Variants in MIER2 observed in about 807,000 individuals in gnomAD.
MIER2 encodes the protein mesoderm induction early response protein 2.
In MIER2, 30 loss-of-function variants were observed where a neutral mutation model predicts 67.6. That is an observed-to-expected ratio of 0.44 (90% CI 0.33 to 0.60). MIER2 has a LOEUF of 0.60. Ranked by LOEUF, MIER2 falls within the 20% of genes least tolerant of loss-of-function variation. The probability of loss-of-function intolerance (pLI) is 0.02; values close to 1 mark genes in which losing one functional copy is unlikely to be tolerated. For missense variants in MIER2, 702 were observed against 745.1 expected (o/e 0.94, Z 0.67); for synonymous variants, 372 against 312.6 (o/e 1.19, Z -2.00).
rs959396706 is a variant in MIER2 at position 327,985 on chromosome 19, T to C, written c.248A>G (p.Asn83Ser). 3.7e-6 allele frequency: 6 copies of C among 1,612,930 alleles called. No homozygotes were observed. Among genetic ancestry groups the C allele is most frequent in the Non-Finnish European group, 5.1e-6 (6 of 1,179,526 alleles). Reference protein sequence around the residue: ...ELEKDFISQSNDMPFDELLAL... With the variant: ...ELEKDFISQSSDMPFDELLAL... ...AAGCAGCTCATCAAAGGGCATGTCGTTGCTCTGAGTTGGGGAAGGGAACAA... is the reference window on the plus strand; with the variant it reads ...AAGCAGCTCATCAAAGGGCATGTCGCTGCTCTGAGTTGGGGAAGGGAACAA... Residue 83 changes from asparagine to serine, a missense_variant, in exon 4 of 14, where the codon AAC (asparagine) becomes AGC (serine). By Grantham distance (46) the Asn-to-Ser change is conservative. Transcript: ENST00000264819.
intron 7 of MIER2, among the ~76,000 whole-genome samples, chr19:324,624 T>C (rs1382834750): frequency 6.7e-6 from 1 of 149,846 alleles, no homozygotes; most frequent in African/African-American, 2.5e-5. Context: ...CGCAGACGAC[T>C]CGAATGACAC....
In MIER2 at chr19:307,148, G is replaced by A. The variant is rs1169463866; in HGVS notation, c.1587C>T (p.Ala529=). 1.3e-6 allele frequency: 2 copies of A among 1,587,722 alleles called. No individual in the cohort carries two copies. The highest frequency in any genetic ancestry group is 1.1e-5 in the South Asian group (1 of 87,102). The change falls in exon 13 of 14, where the codon GCC becomes GCT. Residue 529 remains alanine (A), a synonymous_variant. Coordinates refer to ENST00000264819, the MANE Select transcript of MIER2 (RefSeq NM_017550.3). ...PFLAAHPTCP[A]PGLHSEPLSH... ...ACAGGGGCTCCGAGTGTAGCCCGGGGGCCGGGCACGTGGGGTGGGCGGCCA... is the reference window on the plus strand; with the variant it reads ...ACAGGGGCTCCGAGTGTAGCCCGGGAGCCGGGCACGTGGGGTGGGCGGCCA...
chr19:327,803 G>A, intron 4 of MIER2, 61 bp downstream of exon 4: 1 of 1,596,674 alleles, frequency 6.3e-7, no homozygotes, highest in Admixed American at 1.8e-5. Flanking sequence ...TCTGCAGAGA[G>A]GCAGCGCCAG....
intron 3 of MIER2, among the ~76,000 whole-genome samples, chr19:328,546 G>C (rs1208929314): frequency 1.3e-5 from 2 of 151,996 alleles, no homozygotes; most frequent in African/African-American, 4.8e-5. Flanking sequence ...CCAGGAGTTC[G>C]AGACCAGCCT....
At chr19:307,560 G>A (rs780578144) in intron 12 of MIER2, 24 bp from the exon 13 acceptor site, 3 of 1,487,742 alleles carry the variant, frequency 2.0e-6, no homozygotes, top group African/African-American at 2.8e-5. Context: ...CGCAACAGAG[G>A]GTGGGGCCTG....
At chr19:329,061 C>T (rs977296563) in intron 3 of MIER2, among the ~76,000 whole-genome samples, 1 of 152,196 alleles carries the variant, frequency 6.6e-6, no homozygotes, top group Non-Finnish European at 1.5e-5. Context: ...GTCCTGTCTG[C>T]TCAGACTCCA....
In MIER2 at chr19:308,583, G is replaced by A. The variant is rs771793394; in HGVS notation, c.1192C>T (p.Arg398Cys). The A allele has an allele frequency of 2.3e-4, 366 of 1,601,308 alleles. No homozygotes were observed. The highest frequency in any genetic ancestry group is 4.6e-4 in the Admixed American group (27 of 58,260). ...GATACTCCCCAAGCCTCACCTGTGCGCATCCCAGTCAGGGTGTCTTGCTCC... is the reference window on the plus strand; with the variant it reads ...GATACTCCCCAAGCCTCACCTGTGCACATCCCAGTCAGGGTGTCTTGCTCC... ...RPEQDTLTGM[R>C]TDPLSVDGTA... Residue 398 changes from arginine to cysteine, a missense_variant, in exon 12 of 14, where the codon CGC becomes TGC. Arg to Cys is a radical substitution (Grantham distance 180). Coordinates refer to ENST00000264819, the MANE Select transcript of MIER2 (RefSeq NM_017550.3). This position sits in a 1 kb window ranked among gnomAD's most constrained non-coding sequence, Gnocchi z 9.1.
At chr19:323,732 C>T (rs999079133) in intron 7 of MIER2, among the ~76,000 whole-genome samples, 19 of 147,626 alleles carry the variant, frequency 1.3e-4, no homozygotes, top group African/African-American at 4.0e-4. Context: ...ACAACTCAAA[C>T]GACACAGACG....
In MIER2 at chr19:307,228, C is replaced by T; in HGVS notation, c.1507G>A (p.Ala503Thr). 6.3e-7 allele frequency: 1 copy of T among 1,592,346 alleles called. No homozygotes were observed. The change falls in exon 13 of 14, where the codon GCT becomes ACT. Residue 503 changes from alanine (A) to threonine (T), a missense_variant. Ala to Thr is a moderately conservative substitution (Grantham distance 58). Around this residue, in one of 3 missense-constraint regions of MIER2, gnomAD observed 254 missense variants for 262.8 expected, o/e 0.97. Transcript: ENST00000264819. Reference sequence around the variant, plus strand: ...AGTCCAAACTCGGTGACCGACAAAGCCACCTGTGCTGGGGCCACAGTCTCC... The same window carrying T: ...AGTCCAAACTCGGTGACCGACAAAGTCACCTGTGCTGGGGCCACAGTCTCC... The part of the protein sequence containing the change: ...PEETVAPAQV[A>T]LSVTEFGLIG...
chr19:318,238 T>C (rs57815234), intron 7 of MIER2, among the ~76,000 whole-genome samples: 18,877 of 151,878 alleles, frequency 0.12, 1,617 homozygotes, highest in African/African-American at 0.23. Flanking sequence ...ACTTCAAATA[T>C]AGGAATCTAG....
intron 7 of MIER2, 92 bp downstream of exon 7, chr19:325,543 G>A (rs989470550): frequency 6.9e-7 from 1 of 1,442,010 alleles, no homozygotes; most frequent in African/African-American, 1.4e-5. Context: ...GCGGGGCGGG[G>A]ACCTGACCAG....
At chr19:313,365 G>A in intron 8 of MIER2, 127 bp downstream of exon 8, 2 of 1,431,126 alleles carry the variant, frequency 1.4e-6, no homozygotes, top group Non-Finnish European at 1.9e-6. Context: ...CCAGTGCCCT[G>A]GCCCCCACAC....
At chr19:329,012 C>T (rs1008886597) in intron 3 of MIER2, among the ~76,000 whole-genome samples, 2 of 152,222 alleles carry the variant, frequency 1.3e-5, no homozygotes, top group African/African-American at 4.8e-5. Context: ...TCAAATCCTT[C>T]TGTCCTCCCT....
At chr19:344,380 G>A (rs1264924770) in intron 1 of MIER2, 4 of 984,630 alleles carry the variant, frequency 4.1e-6, no homozygotes, top group Non-Finnish European at 4.8e-6. Context: ...GGCGCGGGAG[G>A]GGAGGCCTGC....
In MIER2 at chr19:336,122, T is replaced by C. The variant is rs1972245425; in HGVS notation, c.61A>G (p.Ser21Gly). 1 of 1,613,828 alleles carries C rather than the reference T, an allele frequency of 6.2e-7. No individual in the cohort carries two copies. Among genetic ancestry groups the C allele is most frequent in the Admixed American group, 1.7e-5 (1 of 60,002 alleles). ...AAGCCCGGCTCCCCTGGGCACAGGC[T>C]GTGCTCGAGGCAGGAGACCACGCGA... is the stretch of plus-strand genomic sequence containing the variant. Reference protein sequence around the residue: ...SPRVVSCLEHSLCPGEPGLQT... With the variant: ...SPRVVSCLEHGLCPGEPGLQT... The change falls in exon 2 of 14, where the codon AGC (serine) becomes GGC (glycine). Residue 21 changes from serine (S) to glycine (G), a missense_variant. Coordinates refer to ENST00000264819, the MANE Select transcript of MIER2 (RefSeq NM_017550.3).
chr19:308,853 A>G lies in MIER2; in HGVS notation c.1057T>C (p.Phe353Leu), dbSNP rs1194191872. ...CGGCCCAGCCGCGTCTGCTGGGCGA[A>G]GTAGTCGTAGCGCTCCGACTTCTTC... ...LWKKSERYDY[F>L]AQQTRLGRRK... is the part of the protein sequence containing the mutation. The change falls in exon 11 of 14, where the codon TTC (phenylalanine) becomes CTC (leucine). Residue 353 changes from phenylalanine to leucine, a missense_variant. Transcript: ENST00000264819. This position sits in a 1 kb window ranked among gnomAD's most constrained non-coding sequence, Gnocchi z 9.1. 8 of 1,610,944 alleles carry G rather than the reference A, an allele frequency of 5.0e-6. No homozygotes were observed. Among genetic ancestry groups the G allele is most frequent in the Admixed American group, 1.7e-5 (1 of 59,964 alleles).
intron 6 of MIER2, 81 bp from the exon 7 acceptor site, chr19:325,785 G>T: frequency 1.3e-6 from 2 of 1,494,554 alleles, no homozygotes; most frequent in Non-Finnish European, 1.9e-6. Flanking sequence ...TGCTGTGGCA[G>T]GCTTACGGGG....
In MIER2 at chr19:327,206, T is replaced by C. The variant is rs892214645; in HGVS notation, c.420A>G (p.Gln140=). 6.3e-7 allele frequency: 1 copy of C among 1,592,342 alleles called. No homozygotes were observed. The highest frequency in any genetic ancestry group is 8.5e-7 in the Non-Finnish European group (1 of 1,173,540). Residue 140 remains glutamine, a synonymous_variant, in exon 5 of 14, where the codon CAA becomes CAG. Transcript: ENST00000264819. ...ACGGGGTGAGGTCGTCAGCAGATGA[T>C]TGCGTCTCTTCCTCTTCTTCCCCTG... ...LLSGEEEEET[Q]SSADDLTPSV...
chr19:331,108 A>G (rs1483607941), intron 3 of MIER2, among the ~76,000 whole-genome samples: 2 of 151,944 alleles, frequency 1.3e-5, no homozygotes, highest in Non-Finnish European at 2.9e-5. Context: ...CCTGTAATCC[A>G]AGCATTTTGG....
Sources: gnomAD v4.1 joint callset for allele counts (sites outside exome capture counted in the v4.1 genomes callset) on GRCh38, gnomAD v4.1.1 for gene constraint, gnomAD v4.1.1 regional missense constraint, Gnocchi (gnomAD v3.1) non-coding constraint, MANE v1.5 for transcripts, NCBI Gene and HGNC (gene_info 2026-07-23, HGNC 2026-07-21) for gene names.